The following SPOCK3 variants were observed in gnomAD, a reference collection of about 807,000 sequenced individuals.
The protein encoded by SPOCK3 is SPARC (osteonectin), cwcv and kazal like domains proteoglycan 3, also known as testican-3.
Under a neutral mutation model 56.6 loss-of-function variants are expected in SPOCK3, and 30 were observed. The observed-to-expected ratio is 0.53, with a 90% CI of 0.40 to 0.72. The LOEUF is 0.72. Among genes scored for constraint, SPOCK3 ranks in the 30% least tolerant of loss-of-function variants. SPOCK3 has a pLI of 0.00. For missense variants in SPOCK3, 527 were observed against 530.0 expected, an observed-to-expected ratio of 0.99 and a Z score of 0.06; for synonymous variants, 196 against 183.3, an observed-to-expected ratio of 1.07 and a Z score of -0.56.
At chr4:166,840,961 G>A (rs759910314) in intron 6 of SPOCK3, among the ~76,000 whole-genome samples, 61 of 151,214 alleles carry the variant, frequency 4.0e-4, no homozygotes, top group Non-Finnish European at 5.9e-4. Context: ...TGTATTTTTC[G>A]TAGCGACGGG....
chr4:167,132,955 A>C lies in SPOCK3; in HGVS notation c.190-70418T>G, dbSNP rs1762821982. On this transcript the variant is annotated intron_variant, in intron 2 of 10. Transcript: ENST00000357545. ...AATCAAGATAACATTCCCAGGTTTG[A>C]GGGATTTGACATGGATGTATCTTTT... Among the ~76,000 whole-genome samples, 3 of 152,184 alleles carry C rather than the reference A, an allele frequency of 2.0e-5. No individual in the cohort carries two copies. In the South Asian group the frequency reaches 6.2e-4, roughly 32 times the overall value.
chr4:166,769,414 C>A (rs1466447911), intron 7 of SPOCK3, among the ~76,000 whole-genome samples: 1 of 152,180 alleles, frequency 6.6e-6, no homozygotes, highest in Non-Finnish European at 1.5e-5. Flanking sequence ...CAGTCAGAAC[C>A]CTCAGCTGCA....
chr4:167,090,018 C>G (rs1758564553), intron 2 of SPOCK3, among the ~76,000 whole-genome samples: 1 of 152,126 alleles, frequency 6.6e-6, no homozygotes, highest in Non-Finnish European at 1.5e-5. Flanking sequence ...ATTTGGGTAT[C>G]CTTTCGGCAG....
chr4:167,063,788 TTC>T (rs1755838780), intron 2 of SPOCK3, among the ~76,000 whole-genome samples: 1 of 151,920 alleles, frequency 6.6e-6, no homozygotes, highest in Non-Finnish European at 1.5e-5. Context: ...GACTTTCTCT[TTC>T]TGAGTTGTTT....
At chr4:166,751,620 A>C (rs530649842) in intron 8 of SPOCK3, among the ~76,000 whole-genome samples, 152 of 152,278 alleles carry the variant, frequency 1.0e-3, no homozygotes, top group African/African-American at 3.0e-3. Context: ...ATACTTTCAC[A>C]GGGCTATTTC....
At position 166,912,719 on chromosome 4, in the gene SPOCK3, A is replaced by G. The variant is rs757365055; in HGVS notation, c.375T>C (p.His125=). 1.2e-6 allele frequency: 2 copies of G among 1,612,524 alleles called. No homozygotes were observed. The highest frequency in any genetic ancestry group is 1.7e-5 in the Admixed American group (1 of 59,788). Residue 125 remains histidine, a synonymous_variant, in exon 5 of 11, where the codon CAT becomes CAC. Transcript: ENST00000357545. ...THRMKEAGVD[H]RQWRGPILST... ...ATAATATGGGACCCCTCCACTGCCT[A>G]TGGTCTACTCCTGCTTCTTTCATCC... is the stretch of plus-strand genomic sequence containing the variant.
intron 7 of SPOCK3, among the ~76,000 whole-genome samples, chr4:166,777,152 T>C (rs1431600175): frequency 6.6e-6 from 1 of 152,172 alleles, no homozygotes; most frequent in Non-Finnish European, 1.5e-5. Context: ...TCTAGAGAGT[T>C]GATAGAGGTT....
At chr4:166,961,735 G>T (rs1744170223) in intron 4 of SPOCK3, among the ~76,000 whole-genome samples, 1 of 151,944 alleles carries the variant, frequency 6.6e-6, no homozygotes, top group Admixed American at 6.6e-5. Flanking sequence ...TGCAATTCAA[G>T]AATCAAACAA....
At chr4:167,195,675 C>T (rs993017191) in intron 2 of SPOCK3, among the ~76,000 whole-genome samples, 38 of 152,134 alleles carry the variant, frequency 2.5e-4, no homozygotes, top group African/African-American at 8.9e-4. Context: ...TTTCAGGTCC[C>T]TTGGTAGATG....
intron 6 of SPOCK3, among the ~76,000 whole-genome samples, chr4:166,817,844 G>C (rs1244498974): frequency 6.6e-6 from 1 of 151,986 alleles, no homozygotes; most frequent in Non-Finnish European, 1.5e-5. Flanking sequence ...GACAGTGACT[G>C]ACAGATACAC....
chr4:166,747,365 G>C (rs955822898), intron 8 of SPOCK3, among the ~76,000 whole-genome samples: 3 of 151,996 alleles, frequency 2.0e-5, no homozygotes, highest in Non-Finnish European at 2.9e-5. Flanking sequence ...ATCACAAAAA[G>C]AGAACCAATG....
chr4:167,131,606 CA>C (rs978446442), intron 2 of SPOCK3, among the ~76,000 whole-genome samples: 2 of 151,422 alleles, frequency 1.3e-5, no homozygotes, highest in Non-Finnish European at 2.9e-5. Context: ...CCGTCCCCCA[CA>C]AAAAAAACCA....
intron 2 of SPOCK3, among the ~76,000 whole-genome samples, chr4:167,194,773 C>T (rs953238768): frequency 1.3e-5 from 2 of 152,128 alleles, no homozygotes; most frequent in South Asian, 2.1e-4. Flanking sequence ...GGATTGTCTC[C>T]AGGACCTTGG....
At chr4:166,923,350 CTT>C (rs1009224953) in intron 4 of SPOCK3, among the ~76,000 whole-genome samples, 1 of 152,140 alleles carries the variant, frequency 6.6e-6, no homozygotes, top group Non-Finnish European at 1.5e-5. Context: ...AATATTCACT[CTT>C]ATGCTTTATA....
intron 6 of SPOCK3, among the ~76,000 whole-genome samples, chr4:166,802,416 T>G (rs181474038): frequency 6.6e-6 from 1 of 152,302 alleles, no homozygotes; most frequent in East Asian, 1.9e-4. Flanking sequence ...AAAAGAAATA[T>G]ATTTCTCAGA....
chr4:167,115,846 G>C (rs1275331102), intron 2 of SPOCK3, among the ~76,000 whole-genome samples: 1 of 152,034 alleles, frequency 6.6e-6, no homozygotes, highest in African/African-American at 2.4e-5. Flanking sequence ...AACGAAAATA[G>C]CTTCCAGAAC....
At chr4:166,976,033 T>C (rs1239099617) in intron 4 of SPOCK3, among the ~76,000 whole-genome samples, 1 of 152,010 alleles carries the variant, frequency 6.6e-6, no homozygotes, top group Non-Finnish European at 1.5e-5. Context: ...ATATCTAGCA[T>C]GGGATGCATA....
At chr4:167,081,657 G>A (rs977494755) in intron 2 of SPOCK3, among the ~76,000 whole-genome samples, 1 of 152,012 alleles carries the variant, frequency 6.6e-6, no homozygotes, top group African/African-American at 2.4e-5. Context: ...CTCTGTGAAT[G>A]ACTAACGATT....
At chr4:166,830,200 G>C (rs990026146) in intron 6 of SPOCK3, among the ~76,000 whole-genome samples, 61 of 152,130 alleles carry the variant, frequency 4.0e-4, no homozygotes, top group African/African-American at 1.3e-3. Flanking sequence ...AATAGTAACT[G>C]TTGTCTCTTA....
Sources: gnomAD v4.1 joint callset for allele counts (sites outside exome capture counted in the v4.1 genomes callset) on GRCh38, gnomAD v4.1.1 for gene constraint, MANE v1.5 for transcripts, NCBI Gene and HGNC (gene_info 2026-07-23, HGNC 2026-07-21) for gene names.